ALCAM: variants seen among roughly 807,000 people sequenced by gnomAD.
ALCAM encodes CD166 antigen.
Under a neutral mutation model 70.9 loss-of-function variants are expected in ALCAM, and 30 were observed. The ratio of observed to expected loss-of-function variants is 0.42; its 90% CI spans 0.32 to 0.57. The LOEUF is 0.57. ALCAM is among the 20% of genes least tolerant of loss of function. ALCAM has a pLI of 0.11. For synonymous variants in ALCAM, 249 were observed against 242.5 expected (o/e 1.03, Z -0.25); for missense variants, 591 against 695.1 (o/e 0.85, Z 1.68).
chr3:105,537,498 T>C (rs1940001129), intron 6 of ALCAM, among the ~76,000 whole-genome samples: 1 of 152,164 alleles, frequency 6.6e-6, no homozygotes, highest in African/African-American at 2.4e-5. Flanking sequence ...GAGTTCGTTT[T>C]AGCCATGGTC....
chr3:105,538,609 C>T (rs889540160), intron 6 of ALCAM, among the ~76,000 whole-genome samples: 1 of 152,034 alleles, frequency 6.6e-6, no homozygotes, highest in Non-Finnish European at 1.5e-5. Context: ...TCTGTTGTGT[C>T]AACCTTGATC....
intron 1 of ALCAM, among the ~76,000 whole-genome samples, chr3:105,433,669 G>GT (rs879437209): frequency 4.8e-4 from 72 of 149,242 alleles, no homozygotes; most frequent in Admixed American, 1.6e-3. Flanking sequence ...GATCAATGCA[G>GT]TTTTTTTTTG....
chr3:105,402,938 C>CTTCTTTTTTTT (rs1936124536), intron 1 of ALCAM, among the ~76,000 whole-genome samples: 1 of 117,254 alleles, frequency 8.5e-6, no homozygotes. Flanking sequence ...AGCTGATGCG[C>CTTCTTTTTTTT]TTTTTTTTTT....
chr3:105,510,022 G>A (rs2152619458), intron 1 of ALCAM, among the ~76,000 whole-genome samples: 1 of 152,034 alleles, frequency 6.6e-6, no homozygotes, highest in South Asian at 2.1e-4. Context: ...GGTCAATACG[G>A]TTATGATCTG....
At chr3:105,538,531 A>G (rs1259327551) in intron 6 of ALCAM, among the ~76,000 whole-genome samples, 1 of 152,150 alleles carries the variant, frequency 6.6e-6, no homozygotes, top group Non-Finnish European at 1.5e-5. Flanking sequence ...GAGCCTATTG[A>G]AAAGGGAACA....
intron 1 of ALCAM, among the ~76,000 whole-genome samples, chr3:105,480,368 A>G (rs1280253620): frequency 6.6e-6 from 1 of 151,540 alleles, no homozygotes; most frequent in African/African-American, 2.4e-5. Context: ...TAAATAAATA[A>G]ATAAATAAAT....
intron 1 of ALCAM, among the ~76,000 whole-genome samples, chr3:105,452,346 A>T (rs940971298): frequency 1.3e-5 from 2 of 151,986 alleles, no homozygotes; most frequent in African/African-American, 4.8e-5. Flanking sequence ...TTCCTGTGTT[A>T]CTTTCCTGAG....
chr3:105,537,189 C>T (rs1939992296), intron 6 of ALCAM, among the ~76,000 whole-genome samples: 1 of 152,116 alleles, frequency 6.6e-6, no homozygotes, highest in Non-Finnish European at 1.5e-5. Flanking sequence ...TTTAGAGAAT[C>T]TAGCTCTTTA....
At chr3:105,539,936 T>C in intron 6 of ALCAM, 39 bp from the exon 7 acceptor site, 3 of 1,607,428 alleles carry the variant, frequency 1.9e-6, no homozygotes, top group Non-Finnish European at 2.6e-6. Context: ...AATTCGGTAC[T>C]TGACAAAAAT....
chr3:105,540,832 A>G (rs1194945251), intron 7 of ALCAM, among the ~76,000 whole-genome samples: 2 of 152,042 alleles, frequency 1.3e-5, no homozygotes, highest in African/African-American at 4.8e-5. Flanking sequence ...ACAGTACTCA[A>G]TAGTATTTAA....
intron 1 of ALCAM, among the ~76,000 whole-genome samples, chr3:105,471,565 A>C (rs1281670413): frequency 6.6e-6 from 1 of 151,136 alleles, no homozygotes; most frequent in Non-Finnish European, 1.5e-5. Flanking sequence ...GCTGGAGCTG[A>C]TCAGCTGCGA....
intron 1 of ALCAM, among the ~76,000 whole-genome samples, chr3:105,376,518 A>G (rs1935382554): frequency 6.6e-6 from 1 of 152,236 alleles, no homozygotes; most frequent in Admixed American, 6.5e-5. Flanking sequence ...AGTGCTCAGT[A>G]TGTACTACAC....
At chr3:105,531,392 A>T (rs1287623713) in intron 3 of ALCAM, 1 of 152,210 alleles carries the variant, frequency 6.6e-6, no homozygotes, top group Non-Finnish European at 1.5e-5. Flanking sequence ...AAAGTTAGAG[A>T]TATTTCAGAA....
At chr3:105,509,889 A>C (rs989275529) in intron 1 of ALCAM, among the ~76,000 whole-genome samples, 1 of 152,026 alleles carries the variant, frequency 6.6e-6, no homozygotes, top group Non-Finnish European at 1.5e-5. Context: ...TGTTAAACTC[A>C]TTTTTTGTAT....
At position 105,385,757 on chromosome 3, in the gene ALCAM, G is replaced by A. The variant is rs1354639838; in HGVS notation, c.73+18276G>A. ...ATGTGAATTTATGGTTCTTTATTAA[G>A]TTTTAGGAATTCTGAATTGTATTTG... On this transcript the variant is annotated intron_variant, in intron 1 of 15. Coordinates refer to ENST00000306107, the MANE Select transcript of ALCAM (RefSeq NM_001627.4). 2.6e-5 allele frequency among the ~76,000 whole-genome samples: 4 copies of A among 151,582 alleles called. No homozygotes were observed. In the East Asian group the frequency reaches 7.8e-4, roughly 29 times the overall value.
intron 1 of ALCAM, among the ~76,000 whole-genome samples, chr3:105,369,883 A>G (rs1416594227): frequency 6.6e-6 from 1 of 152,144 alleles, no homozygotes; most frequent in Non-Finnish European, 1.5e-5. Context: ...GAATTCAGAG[A>G]TGAAGGCAAT....
chr3:105,564,155 A>G (rs923432387), intron 14 of ALCAM, among the ~76,000 whole-genome samples: 7 of 151,948 alleles, frequency 4.6e-5, no homozygotes, highest in Non-Finnish European at 1.0e-4. Context: ...GTAGTGTTGT[A>G]TAATTGTCAT....
intron 1 of ALCAM, among the ~76,000 whole-genome samples, chr3:105,396,329 C>A (rs1935950301): frequency 6.6e-6 from 1 of 151,838 alleles, no homozygotes; most frequent in Admixed American, 6.6e-5. Flanking sequence ...GAGGTATGAT[C>A]TTCCTGAGAA....
At chr3:105,436,265 T>C (rs1354049976) in intron 1 of ALCAM, among the ~76,000 whole-genome samples, 2 of 152,232 alleles carry the variant, frequency 1.3e-5, no homozygotes, top group Non-Finnish European at 2.9e-5. Context: ...GGACAACTTG[T>C]TGCCAGTGTA....
Sources: gnomAD v4.1 joint callset for allele counts (sites outside exome capture counted in the v4.1 genomes callset) on GRCh38, gnomAD v4.1.1 for gene constraint, MANE v1.5 for transcripts, NCBI Gene and HGNC (gene_info 2026-07-23, HGNC 2026-07-21) for gene names.